The following TPR variants were observed in gnomAD, a reference collection of about 807,000 sequenced individuals.
TPR encodes the protein translocated promoter region, nuclear basket protein.
Under a neutral mutation model 316.1 loss-of-function variants are expected in TPR, and 51 were observed. The observed-to-expected ratio is 0.16, with a 90% CI of 0.13 to 0.20. TPR has a LOEUF of 0.20. Ranked by LOEUF, TPR falls within the 10% of genes least tolerant of loss-of-function variation. The pLI is 1.00. For synonymous variants in TPR, 981 were observed against 914.7 expected, an observed-to-expected ratio of 1.07 and a Z score of -1.31; for missense variants, 2,272 against 2,754.8, an observed-to-expected ratio of 0.82 and a Z score of 3.92.
chr1:186,365,501 C>T (rs570484508), intron 4 of TPR, among the ~76,000 whole-genome samples: 2 of 152,260 alleles, frequency 1.3e-5, no homozygotes, highest in Admixed American at 6.5e-5. Flanking sequence ...TGCTCCCAAA[C>T]ATGTTTCTAA....
At chr1:186,328,196 C>A (rs1018179694) in intron 39 of TPR, among the ~76,000 whole-genome samples, 2 of 152,018 alleles carry the variant, frequency 1.3e-5, no homozygotes, top group Non-Finnish European at 2.9e-5. Context: ...TTGGTTAATA[C>A]TCCAATAAGA....
In TPR at chr1:186,357,432, G is replaced by A; in HGVS notation, c.1689C>T (p.Thr563=). 6.2e-7 allele frequency: 1 copy of A among 1,613,774 alleles called. No individual in the cohort carries two copies. The highest frequency in any genetic ancestry group is 8.5e-7 in the Non-Finnish European group (1 of 1,179,922). The change falls in exon 14 of 51, where the codon ACC becomes ACT. Residue 563 remains threonine, a synonymous_variant. Transcript: ENST00000367478. The stretch of plus-strand genomic sequence containing the variant: ...TTGTTTCTTGTTCTTCTCTTTCTCT[G>A]GTTTCCCCAAGCTCTCTAAGGGCCA... ...LLVALRELGE[T]REREEQETTS...
At chr1:186,350,142 G>C in intron 21 of TPR, 81 bp downstream of exon 21, 1 of 1,255,314 alleles carries the variant, frequency 8.0e-7, no homozygotes, top group Non-Finnish European at 1.1e-6. Context: ...AAAGAATTAG[G>C]CTATTTACTG....
chr1:186,355,157 G>A (rs1351552413), intron 17 of TPR, among the ~76,000 whole-genome samples: 2 of 151,948 alleles, frequency 1.3e-5, no homozygotes, highest in South Asian at 2.1e-4. Flanking sequence ...CACCTGCCTC[G>A]GCTTCCCAAA....
intron 8 of TPR, 38 bp downstream of exon 8, chr1:186,361,751 C>A: frequency 6.2e-7 from 1 of 1,612,876 alleles, no homozygotes; most frequent in East Asian, 2.2e-5. Context: ...GTCAACAATG[C>A]AACATTTAGA....
intron 46 of TPR, among the ~76,000 whole-genome samples, chr1:186,319,640 T>A (rs542659880): frequency 6.6e-6 from 1 of 152,188 alleles, no homozygotes; most frequent in Non-Finnish European, 1.5e-5. Context: ...TTACATTACA[T>A]GACTTTTATG....
intron 4 of TPR, among the ~76,000 whole-genome samples, chr1:186,366,577 ACT>A (rs1250159484): frequency 3.3e-5 from 5 of 151,980 alleles, no homozygotes; most frequent in Non-Finnish European, 4.4e-5. Flanking sequence ...GTAGTTCTCA[ACT>A]CTCTTATTTT....
intron 49 of TPR, among the ~76,000 whole-genome samples, chr1:186,315,724 C>T (rs1657591241): frequency 6.6e-6 from 1 of 151,678 alleles, no homozygotes; most frequent in Admixed American, 6.6e-5. Flanking sequence ...TCTACTCGAT[C>T]TATCCTCTCC....
intron 39 of TPR, among the ~76,000 whole-genome samples, chr1:186,327,947 C>T (rs1658050169): frequency 6.6e-6 from 1 of 151,958 alleles, no homozygotes; most frequent in Non-Finnish European, 1.5e-5. Flanking sequence ...CGAAGTCTGG[C>T]TAATTTTTTG....
At chr1:186,364,632 A>G (rs1363978372) in intron 4 of TPR, among the ~76,000 whole-genome samples, 1 of 152,224 alleles carries the variant, frequency 6.6e-6, no homozygotes, top group Non-Finnish European at 1.5e-5. Flanking sequence ...TAATGCCAGT[A>G]AAGGATGGTT....
chr1:186,339,118 G>A (rs757337515), intron 30 of TPR, among the ~76,000 whole-genome samples: 5 of 152,052 alleles, frequency 3.3e-5, no homozygotes, highest in Non-Finnish European at 5.9e-5. Context: ...TAGTTCATGT[G>A]AGAAAAAATT....
At chr1:186,330,588 C>T (rs980040149) in intron 39 of TPR, among the ~76,000 whole-genome samples, 3 of 152,012 alleles carry the variant, frequency 2.0e-5, no homozygotes, top group South Asian at 2.1e-4. Context: ...ATATGTATAG[C>T]GTTTCCCCAA....
In TPR at chr1:186,314,053, AAT is replaced by A. The variant is rs1657481107; in HGVS notation, c.7037-29_7037-28del. On this transcript the variant is annotated intron_variant, in intron 50 of 50. Transcript: ENST00000367478. ...TGTAAAAGAAAAAAGAATCAAATTG[AAT>A]ATATCTTTTAAGAATTCAAAACTAG... is the stretch of plus-strand genomic sequence containing the variant. The A allele has an allele frequency of 1.9e-6, 3 of 1,600,420 alleles. No homozygotes were observed. The African/African-American group carries it at 4.0e-5, about 21-fold the overall frequency.
At chr1:186,345,207 A>T (rs1042755196) in intron 24 of TPR, among the ~76,000 whole-genome samples, 4 of 152,182 alleles carry the variant, frequency 2.6e-5, no homozygotes, top group African/African-American at 9.6e-5. Context: ...TAATGCATTA[A>T]CAATGTTATC....
chr1:186,338,915 TC>T, intron 30 of TPR, among the ~76,000 whole-genome samples: 1 of 152,232 alleles, frequency 6.6e-6, no homozygotes, highest in Admixed American at 6.5e-5. Flanking sequence ...AATATAACTC[TC>T]CTACTTAACA....
intron 3 of TPR, among the ~76,000 whole-genome samples, chr1:186,370,696 C>T (rs1659495352): frequency 6.6e-6 from 1 of 152,080 alleles, no homozygotes; most frequent in Non-Finnish European, 1.5e-5. Flanking sequence ...AATGTGGATT[C>T]ACCCAAATTC....
intron 46 of TPR, among the ~76,000 whole-genome samples, chr1:186,319,966 C>T (rs1273738302): frequency 2.0e-5 from 3 of 152,092 alleles, no homozygotes; most frequent in African/African-American, 7.2e-5. Context: ...AGAAAACATG[C>T]TGCATTCCTT....
At chr1:186,346,536 C>T (rs1658682029) in intron 22 of TPR, among the ~76,000 whole-genome samples, 1 of 152,120 alleles carries the variant, frequency 6.6e-6, no homozygotes, top group South Asian at 2.1e-4. Flanking sequence ...TCCAATCTCT[C>T]ATTTCTCCCT....
chr1:186,341,510 A>G (rs1658504724), intron 27 of TPR, 121 bp from the exon 28 acceptor site: 1 of 1,145,332 alleles, frequency 8.7e-7, no homozygotes, highest in South Asian at 1.9e-5. Flanking sequence ...AACTTTTAGA[A>G]CTAAAATTTT....
Sources: gnomAD v4.1 joint callset for allele counts (sites outside exome capture counted in the v4.1 genomes callset) on GRCh38, gnomAD v4.1.1 for gene constraint, MANE v1.5 for transcripts, NCBI Gene and HGNC (gene_info 2026-07-23, HGNC 2026-07-21) for gene names.